Variants in KDM4C observed in about 807,000 individuals in gnomAD.
KDM4C encodes the protein lysine demethylase 4C, also known as lysine-specific demethylase 4C.
KDM4C carries 81 observed loss-of-function variants against 129.3 expected under a neutral mutation model. That is an observed-to-expected ratio of 0.63 (90% CI 0.52 to 0.75). The LOEUF (loss-of-function observed/expected upper bound fraction) is 0.75, where lower values mean the gene tolerates loss of function less well. Ranked by LOEUF, KDM4C falls within the 30% of genes least tolerant of loss-of-function variation. The probability of loss-of-function intolerance (pLI) is 0.00; values close to 1 mark genes in which losing one functional copy is unlikely to be tolerated. For missense variants in KDM4C, 1,457 were observed against 1,304.0 expected, an observed-to-expected ratio of 1.12 and a Z score of -1.81; for synonymous variants, 573 against 456.1, an observed-to-expected ratio of 1.26 and a Z score of -3.26.
chr9:7,051,136 T>A (rs1471527881), intron 17 of KDM4C, among the ~76,000 whole-genome samples: 2 of 152,220 alleles, frequency 1.3e-5, no homozygotes, highest in African/African-American at 4.8e-5. Flanking sequence ...TTATTTTTCA[T>A]ATAATGTTAT....
In KDM4C at chr9:7,059,161, T is replaced by G. The variant is rs150558455; in HGVS notation, c.2424+9961T>G. Among the ~76,000 whole-genome samples the G allele has an allele frequency of 3.7e-3, 568 of 152,324 alleles. 32 individuals are homozygous for G. In the East Asian group the frequency reaches 0.098, roughly 26 times the overall value. ...GTGACAGTATTTTGTATTTTTTGTT[T>G]GTTTTTGGAGCAGGGTCTTGCTCTG... On this transcript the variant is annotated intron_variant, in intron 17 of 21. Transcript: ENST00000381309.
intron 19 of KDM4C, among the ~76,000 whole-genome samples, chr9:7,133,256 CT>C (rs35651684): frequency 6.6e-6 from 1 of 151,996 alleles, no homozygotes; most frequent in East Asian, 1.9e-4. Context: ...TTATACTAAC[CT>C]TTTCTGGTCT....
intron 8 of KDM4C, among the ~76,000 whole-genome samples, chr9:6,964,650 T>C (rs575441557): frequency 2.6e-3 from 392 of 151,830 alleles, no homozygotes; most frequent in African/African-American, 9.0e-3. Flanking sequence ...GGTGTGGTGG[T>C]GGGCGCCTGT....
intron 9 of KDM4C, among the ~76,000 whole-genome samples, 153 bp from the exon 10 acceptor site, chr9:6,984,013 T>C (rs761985138): frequency 6.6e-6 from 1 of 152,250 alleles, no homozygotes; most frequent in Non-Finnish European, 1.5e-5. Context: ...ATTTCAAATT[T>C]AATCATTCAG....
chr9:6,783,936 G>T (rs932072359), intron 1 of KDM4C, among the ~76,000 whole-genome samples: 16 of 152,176 alleles, frequency 1.1e-4, no homozygotes, highest in African/African-American at 3.6e-4. Flanking sequence ...GGGAGAGAAG[G>T]CTGTAGCTTG....
At chr9:7,126,581 ATG>A (rs1016420928) in intron 18 of KDM4C, among the ~76,000 whole-genome samples, 1 of 152,216 alleles carries the variant, frequency 6.6e-6, no homozygotes, top group Non-Finnish European at 1.5e-5. Flanking sequence ...TTTCCAATAT[ATG>A]TGTGTTTGTG....
At position 6,823,193 on chromosome 9, in the gene KDM4C, A is replaced by G. The variant is rs532977128; in HGVS notation, c.435+8448A>G. Among the ~76,000 whole-genome samples the G allele has an allele frequency of 7.9e-5, 12 of 152,336 alleles. No individual in the cohort carries two copies. The South Asian group carries it at 1.9e-3, about 24-fold the overall frequency. The stretch of plus-strand genomic sequence containing the variant: ...TTTTCCCTTTGCTGAGCGGTGACAC[A>G]TAGCTCCTCCTCTCATCCTCATCTC... On this transcript the variant is annotated intron_variant, in intron 4 of 21. Transcript: ENST00000381309.
At chr9:6,873,954 G>A (rs1843184738) in intron 5 of KDM4C, among the ~76,000 whole-genome samples, 1 of 149,882 alleles carries the variant, frequency 6.7e-6, no homozygotes, top group Non-Finnish European at 1.5e-5. Flanking sequence ...GAGAGAGAGA[G>A]AGAGAGAGAG....
chr9:6,788,117 C>T (rs935084054), intron 1 of KDM4C, among the ~76,000 whole-genome samples: 1 of 152,140 alleles, frequency 6.6e-6, no homozygotes, highest in South Asian at 2.1e-4. Context: ...CCCTTTGTTC[C>T]TCCGAAGTAC....
At chr9:7,058,444 G>A (rs1216763953) in intron 17 of KDM4C, among the ~76,000 whole-genome samples, 2 of 152,160 alleles carry the variant, frequency 1.3e-5, no homozygotes, top group Non-Finnish European at 2.9e-5. Flanking sequence ...TTCTCACCGT[G>A]TCCAGTTTCA....
intron 2 of KDM4C, among the ~76,000 whole-genome samples, chr9:6,799,930 A>G (rs1233312483): frequency 6.6e-6 from 1 of 151,964 alleles, no homozygotes. Flanking sequence ...TTCTTTTCAA[A>G]TATTGAGTGT....
chr9:6,727,989 A>G (rs947455679), intron 1 of KDM4C, among the ~76,000 whole-genome samples: 6 of 148,386 alleles, frequency 4.0e-5, no homozygotes, highest in South Asian at 2.1e-4. Flanking sequence ...CCCTCCCCCA[A>G]TAAGACCGTT....
At chr9:6,947,023 A>T (rs539306464) in intron 8 of KDM4C, among the ~76,000 whole-genome samples, 9 of 152,244 alleles carry the variant, frequency 5.9e-5, no homozygotes, top group Non-Finnish European at 1.2e-4. Flanking sequence ...TTATTATGGA[A>T]GAGGTCAGGG....
At chr9:6,793,734 G>T (rs1239550543) in intron 2 of KDM4C, among the ~76,000 whole-genome samples, 1 of 151,824 alleles carries the variant, frequency 6.6e-6, no homozygotes, top group African/African-American at 2.4e-5. Flanking sequence ...GTTGAGACGG[G>T]GTTTCACCAT....
At chr9:6,955,673 C>G (rs569352359) in intron 8 of KDM4C, among the ~76,000 whole-genome samples, 1 of 152,142 alleles carries the variant, frequency 6.6e-6, no homozygotes, top group Non-Finnish European at 1.5e-5. Flanking sequence ...TCCCTTTCTT[C>G]TTATGTAAAA....
intron 1 of KDM4C, among the ~76,000 whole-genome samples, chr9:6,768,872 A>C (rs1029454033): frequency 6.6e-6 from 1 of 151,968 alleles, no homozygotes; most frequent in Non-Finnish European, 1.5e-5. Context: ...TCCCGGGTTC[A>C]AGTGATTCTC....
At chr9:6,813,814 A>G (rs945341888) in intron 3 of KDM4C, among the ~76,000 whole-genome samples, 2 of 152,216 alleles carry the variant, frequency 1.3e-5, no homozygotes, top group African/African-American at 4.8e-5. Context: ...TAAACTGTAA[A>G]TAGGATATAG....
At chr9:6,934,218 A>T (rs1362165484) in intron 8 of KDM4C, among the ~76,000 whole-genome samples, 1 of 151,866 alleles carries the variant, frequency 6.6e-6, no homozygotes, top group Non-Finnish European at 1.5e-5. Context: ...GCGGGGTCTC[A>T]CGCCGGTAAT....
At chr9:6,832,081 G>T (rs780884289) in intron 4 of KDM4C, among the ~76,000 whole-genome samples, 1 of 152,126 alleles carries the variant, frequency 6.6e-6, no homozygotes, top group Non-Finnish European at 1.5e-5. Context: ...GGTCATGCCT[G>T]TAATCCCAGC....
Sources: gnomAD v4.1 joint callset for allele counts (sites outside exome capture counted in the v4.1 genomes callset) on GRCh38, gnomAD v4.1.1 for gene constraint, MANE v1.5 for transcripts, NCBI Gene and HGNC (gene_info 2026-07-23, HGNC 2026-07-21) for gene names.